Variants in NKAIN3 observed in about 807,000 individuals in gnomAD.
The protein encoded by NKAIN3 is sodium/potassium-transporting ATPase subunit beta-1-interacting protein 3.
NKAIN3 carries 25 observed loss-of-function variants against 30.2 expected under a neutral mutation model. That is an observed-to-expected ratio of 0.83 (90% CI 0.60 to 1.16). The LOEUF is 1.16. Ranked by LOEUF, NKAIN3 falls within the 50% of genes most tolerant of loss-of-function variation. The probability of loss-of-function intolerance (pLI) is 0.00; values close to 1 mark genes in which losing one functional copy is unlikely to be tolerated. For missense variants in NKAIN3, 225 were observed against 254.1 expected (o/e 0.89, Z 0.78); for synonymous variants, 91 against 89.6 (o/e 1.02, Z -0.09).
intron 3 of NKAIN3, among the ~76,000 whole-genome samples, chr8:62,709,535 C>G (rs527881613): frequency 6.6e-6 from 1 of 151,994 alleles, no homozygotes; most frequent in Non-Finnish European, 1.5e-5. Context: ...CCTTGAATTA[C>G]CTTTTGTATT....
chr8:62,723,656 C>T (rs1348120746), intron 3 of NKAIN3, among the ~76,000 whole-genome samples: 4 of 152,060 alleles, frequency 2.6e-5, no homozygotes, highest in Non-Finnish European at 5.9e-5. Flanking sequence ...AGCAATAACA[C>T]ACAGTACTCA....
At chr8:62,898,346 A>C (rs2130833401) in intron 4 of NKAIN3, among the ~76,000 whole-genome samples, 1 of 152,314 alleles carries the variant, frequency 6.6e-6, no homozygotes, top group African/African-American at 2.4e-5. Context: ...GGATAAAGAA[A>C]ATTAGGTATA....
At chr8:62,609,689 T>C (rs1323911904) in intron 3 of NKAIN3, among the ~76,000 whole-genome samples, 1 of 152,008 alleles carries the variant, frequency 6.6e-6, no homozygotes, top group Non-Finnish European at 1.5e-5. Context: ...AATAAAAGGA[T>C]AGAGAGTAAC....
chr8:62,639,241 A>G lies in NKAIN3; in HGVS notation c.273+49447A>G, dbSNP rs527758750. Among the ~76,000 whole-genome samples, 44 of 152,278 alleles carry G rather than the reference A, an allele frequency of 2.9e-4. No individual in the cohort carries two copies. In the South Asian group the frequency reaches 9.1e-3, roughly 32 times the overall value. ...AAGCTTCCAGTGAGATATAAGGAAA[A>G]CCAAGAGAGTGTTGATGTGGAGGCC... On this transcript the variant is annotated intron_variant, in intron 3 of 6. Transcript: ENST00000623646.
chr8:62,534,897 A>C (rs564486088), intron 1 of NKAIN3, among the ~76,000 whole-genome samples: 1 of 147,964 alleles, frequency 6.8e-6, no homozygotes, highest in East Asian at 2.0e-4. Flanking sequence ...GATTTTCTGA[A>C]AGCTCCACAG....
chr8:62,772,418 C>T (rs1817047834), intron 4 of NKAIN3, among the ~76,000 whole-genome samples: 1 of 152,120 alleles, frequency 6.6e-6, no homozygotes, highest in African/African-American at 2.4e-5. Flanking sequence ...CCAAAGTCTT[C>T]TCCACAGTAG....
rs116017537 is a variant in NKAIN3, at chr8:62,705,370, C to T, written c.274-41562C>T. Among the ~76,000 whole-genome samples, 784 of 152,166 alleles carry T rather than the reference C, an allele frequency of 5.2e-3. 3 individuals carry two copies. The highest frequency in any genetic ancestry group is 0.018 in the African/African-American group (728 of 41,510). The stretch of plus-strand genomic sequence containing the variant: ...AGAGACCCTGAATTATAGTTTGATT[C>T]GAGGGATTATGAGAGCCCTTTAGAG... On this transcript the variant is annotated intron_variant, in intron 3 of 6. Coordinates refer to ENST00000623646, the MANE Select transcript of NKAIN3 (RefSeq NM_001304533.3).
chr8:62,664,619 C>T (rs1382317222), intron 3 of NKAIN3, among the ~76,000 whole-genome samples: 1 of 152,164 alleles, frequency 6.6e-6, no homozygotes, highest in East Asian at 1.9e-4. Context: ...CAGCCAGGCA[C>T]TCTCAGTCTA....
At chr8:62,943,171 A>G (rs1467558473) in intron 5 of NKAIN3, among the ~76,000 whole-genome samples, 1 of 152,144 alleles carries the variant, frequency 6.6e-6, no homozygotes, top group Non-Finnish European at 1.5e-5. Flanking sequence ...TCTACAAGAA[A>G]CTCAAACTAA....
intron 1 of NKAIN3, among the ~76,000 whole-genome samples, chr8:62,340,990 T>G (rs975713601): frequency 1.3e-5 from 2 of 152,092 alleles, no homozygotes; most frequent in Non-Finnish European, 2.9e-5. Flanking sequence ...GTGCTGCCCA[T>G]TAAAGTACTT....
intron 1 of NKAIN3, among the ~76,000 whole-genome samples, chr8:62,522,271 A>G (rs1808182026): frequency 6.6e-6 from 1 of 152,136 alleles, no homozygotes; most frequent in African/African-American, 2.4e-5. Flanking sequence ...TCATGACATC[A>G]TGGCACAACG....
intron 3 of NKAIN3, among the ~76,000 whole-genome samples, chr8:62,629,103 G>A (rs1811874639): frequency 1.3e-5 from 2 of 152,106 alleles, no homozygotes. Context: ...CCAGGGGTTG[G>A]CAGTAGAGAA....
At chr8:62,377,506 T>C (rs1465186964) in intron 1 of NKAIN3, among the ~76,000 whole-genome samples, 1 of 152,054 alleles carries the variant, frequency 6.6e-6, no homozygotes, top group Non-Finnish European at 1.5e-5. Flanking sequence ...CTTTGTGGAG[T>C]AGAAAATAAC....
chr8:62,826,516 G>C (rs573940681), intron 4 of NKAIN3, among the ~76,000 whole-genome samples: 3 of 152,116 alleles, frequency 2.0e-5, no homozygotes, highest in Non-Finnish European at 4.4e-5. Context: ...CTCTAACTGT[G>C]TTAAATAAGA....
intron 4 of NKAIN3, among the ~76,000 whole-genome samples, chr8:62,837,248 G>T (rs924660036): frequency 6.6e-6 from 1 of 152,100 alleles, no homozygotes; most frequent in Non-Finnish European, 1.5e-5. Flanking sequence ...TATCTTCATA[G>T]ATAGGGAAGG....
chr8:62,505,885 A>G (rs1271360440), intron 1 of NKAIN3, among the ~76,000 whole-genome samples: 1 of 151,982 alleles, frequency 6.6e-6, no homozygotes, highest in Non-Finnish European at 1.5e-5. Flanking sequence ...TAAAATCAAG[A>G]CTCTGGCAGG....
chr8:62,291,894 G>A lies in NKAIN3; in HGVS notation c.54+42767G>A, dbSNP rs964607526. Among the ~76,000 whole-genome samples the A allele has an allele frequency of 4.6e-5, 7 of 152,196 alleles. No homozygotes were observed. The Middle Eastern group carries it at 0.01, about 222-fold the overall frequency. On this transcript the variant is annotated intron_variant, in intron 1 of 6. Coordinates refer to ENST00000623646, the MANE Select transcript of NKAIN3 (RefSeq NM_001304533.3). ...CTGTGTCTCTTTGTAGGTCTCCAAG[G>A]ACCTGCTTTATGAATCTGGGTGCTC...
intron 1 of NKAIN3, among the ~76,000 whole-genome samples, chr8:62,395,485 C>T (rs1470887205): frequency 6.6e-6 from 1 of 152,130 alleles, no homozygotes; most frequent in African/African-American, 2.4e-5. Context: ...ATGAAACAAA[C>T]AAATTGAGAA....
intron 1 of NKAIN3, among the ~76,000 whole-genome samples, chr8:62,502,861 G>C (rs12676339): frequency 1.3e-5 from 2 of 152,102 alleles, no homozygotes; most frequent in African/African-American, 4.8e-5. Flanking sequence ...TCTTCAGATG[G>C]ACCAGGGTTA....
Sources: allele counts gnomAD v4.1 joint callset (sites outside exome capture counted in the v4.1 genomes callset), GRCh38; gene constraint gnomAD v4.1.1; transcripts MANE v1.5; gene names NCBI Gene and HGNC (gene_info 2026-07-23, HGNC 2026-07-21).